The following TTC34 variants were observed in gnomAD, a reference collection of about 807,000 sequenced individuals.
TTC34 encodes the protein tetratricopeptide repeat domain 34, also known as tetratricopeptide repeat protein 34.
A neutral mutation model predicts 40.7 loss-of-function variants in TTC34; 44 were observed. The observed-to-expected ratio is 1.08, with a 90% CI of 0.85 to 1.39. The LOEUF (loss-of-function observed/expected upper bound fraction) is 1.39. TTC34 is among the 40% of genes most tolerant of loss of function. TTC34 has a pLI of 0.00. For missense variants in TTC34, 884 were observed against 838.0 expected, an observed-to-expected ratio of 1.05 and a Z score of -0.68; for synonymous variants, 422 against 398.6, an observed-to-expected ratio of 1.06 and a Z score of -0.70.
intron 6 of TTC34, chr1:2,775,690 G>C (rs1409931352): frequency 6.8e-6 from 1 of 147,910 alleles, no homozygotes; most frequent in African/African-American, 2.7e-5. Context: ...TCATTTGCCA[G>C]CCAGGAACGG....
chr1:2,794,189 T>G (rs1056503899), intron 2 of TTC34, among the ~76,000 whole-genome samples: 1 of 152,160 alleles, frequency 6.6e-6, no homozygotes, highest in African/African-American at 2.4e-5. Context: ...AAATTTTTTG[T>G]AGAGACCAGT....
chr1:2,785,258 C>T (rs992522701), intron 5 of TTC34, among the ~76,000 whole-genome samples: 5 of 151,760 alleles, frequency 3.3e-5, no homozygotes, highest in South Asian at 2.1e-4. Context: ...CCGGGTTCCA[C>T]GTGGCAGCCT....
At chr1:2,767,935 G>C (rs1344942727) in intron 6 of TTC34, among the ~76,000 whole-genome samples, 1 of 149,952 alleles carries the variant, frequency 6.7e-6, no homozygotes, top group Admixed American at 6.6e-5. Context: ...ACACCCCAAG[G>C]TGGGCATCCG....
At chr1:2,801,230 T>G (rs1445056731) in intron 1 of TTC34, among the ~76,000 whole-genome samples, 2 of 151,404 alleles carry the variant, frequency 1.3e-5, no homozygotes, top group Admixed American at 6.6e-5. Context: ...GGACCCACCC[T>G]CTGCCCCTCC....
chr1:2,693,580 CGCA>C, intron 6 of TTC34, among the ~76,000 whole-genome samples: 1 of 104,002 alleles, frequency 9.6e-6, no homozygotes, highest in East Asian at 2.9e-4. Context: ...TGGAGCAGCA[CGCA>C]TAACCACAGG....
chr1:2,699,136 GGTTAGCATCTGATAGT>G (rs1641008737), intron 6 of TTC34, among the ~76,000 whole-genome samples: 2 of 141,818 alleles, frequency 1.4e-5, no homozygotes, highest in Non-Finnish European at 3.1e-5. Flanking sequence ...CACACCCCCA[GGTTAGCATCTGATAGT>G]GTGGAGCAGC....
chr1:2,752,482 G>A (rs1641354984), intron 6 of TTC34, among the ~76,000 whole-genome samples: 3 of 146,870 alleles, frequency 2.0e-5, no homozygotes, highest in African/African-American at 7.6e-5. Flanking sequence ...GCCTGGAACA[G>A]CACCCACACA....
chr1:2,751,381 CTGA>C (rs1641313703), intron 6 of TTC34, among the ~76,000 whole-genome samples: 6 of 140,742 alleles, frequency 4.3e-5, no homozygotes, highest in Non-Finnish European at 9.1e-5. Context: ...AGGTGCGCAT[CTGA>C]TGGTCTGGAG....
chr1:2,673,375 G>C, intron 6 of TTC34, among the ~76,000 whole-genome samples: 1 of 36,858 alleles, frequency 2.7e-5, no homozygotes, highest in East Asian at 6.5e-4. Flanking sequence ...AGCATCTGAG[G>C]GCCTGGGTCG....
chr1:2,751,883 C>A (rs1254032472), intron 6 of TTC34, among the ~76,000 whole-genome samples: 1 of 111,774 alleles, frequency 8.9e-6, no homozygotes, highest in Admixed American at 9.2e-5. Context: ...TGGAGCAGCA[C>A]CCACACCCCC....
At chr1:2,689,853 GCACCCC>G (rs1640533929) in intron 6 of TTC34, among the ~76,000 whole-genome samples, 1 of 73,130 alleles carries the variant, frequency 1.4e-5, no homozygotes. Context: ...ACAGCACCCT[GCACCCC>G]CAGGTGAGCA....
At chr1:2,648,765 G>A (rs901264226) in intron 6 of TTC34, among the ~76,000 whole-genome samples, 10 of 145,972 alleles carry the variant, frequency 6.9e-5, no homozygotes, top group Non-Finnish European at 1.5e-4. Flanking sequence ...GTGAGCACAG[G>A]TGAACATCTG....
At chr1:2,789,704 T>C (rs1324254420) in exon 3 of TTC34, 18 of 1,106,296 alleles carry the variant, frequency 1.6e-5, no homozygotes, top group Non-Finnish European at 2.0e-5. Context: ...GGCGGTGACA[T>C]AGTCCAGCGT....
chr1:2,798,705 C>T (rs1643738040), intron 2 of TTC34, among the ~76,000 whole-genome samples: 1 of 133,072 alleles, frequency 7.5e-6, no homozygotes, highest in Non-Finnish European at 1.6e-5. Flanking sequence ...CCCCCAGCGT[C>T]CCAGCCTCTC....
chr1:2,686,828 G>T (rs1289838834), intron 6 of TTC34, among the ~76,000 whole-genome samples: 1 of 87,782 alleles, frequency 1.1e-5, no homozygotes, highest in African/African-American at 3.8e-5. Flanking sequence ...TGACAGCCTG[G>T]AGCAGCACCC....
chr1:2,660,718 T>G (rs879989648), intron 6 of TTC34, among the ~76,000 whole-genome samples: 1 of 92,562 alleles, frequency 1.1e-5, no homozygotes, highest in African/African-American at 4.5e-5. Context: ...CACCCCCAGG[T>G]GAGCATCTGA....
chr1:2,767,624 G>C (rs1337096726), intron 6 of TTC34, among the ~76,000 whole-genome samples: 3 of 106,272 alleles, frequency 2.8e-5, no homozygotes, highest in African/African-American at 4.3e-5. Context: ...GCATCTGACT[G>C]TATGGAATGA....
chr1:2,652,293 T>C (rs1325034074), intron 6 of TTC34, among the ~76,000 whole-genome samples: 1 of 96,860 alleles, frequency 1.0e-5, no homozygotes, highest in African/African-American at 3.8e-5. Context: ...CACCCCCAGG[T>C]GAGCATCCGA....
At chr1:2,698,891 C>G (rs542199338) in intron 6 of TTC34, among the ~76,000 whole-genome samples, 1,942 of 149,706 alleles carry the variant, frequency 0.013, 10 homozygotes, top group East Asian at 0.076. Flanking sequence ...ACCCACACCC[C>G]CAGGTGAGCA....
Sources: gnomAD v4.1 joint callset for allele counts (sites outside exome capture counted in the v4.1 genomes callset) on GRCh38, gnomAD v4.1.1 for gene constraint, MANE v1.5 for transcripts, NCBI Gene and HGNC (gene_info 2026-07-23, HGNC 2026-07-21) for gene names.